Variants in UTRN observed in about 807,000 individuals in gnomAD.
The protein encoded by UTRN is utrophin.
UTRN carries 283 observed loss-of-function variants against 463.9 expected under a neutral mutation model. The ratio of observed to expected loss-of-function variants is 0.61; its 90% CI spans 0.55 to 0.67. The LOEUF is 0.67. UTRN is among the 30% of genes least tolerant of loss of function. The pLI is 0.00. For missense variants in UTRN, 3,922 were observed against 4,084.3 expected, an observed-to-expected ratio of 0.96 and a Z score of 1.08; for synonymous variants, 1,442 against 1,431.5, an observed-to-expected ratio of 1.01 and a Z score of -0.17.
chr6:144,688,516 T>G (rs1590054), intron 52 of UTRN, among the ~76,000 whole-genome samples: 55,534 of 152,042 alleles, frequency 0.37, 11,545 homozygotes, highest in East Asian at 0.88. Flanking sequence ...AATTATTTTT[T>G]AATTTATTTT....
chr6:144,570,099 T>C (rs575046317), intron 50 of UTRN, among the ~76,000 whole-genome samples: 1 of 152,244 alleles, frequency 6.6e-6, no homozygotes, highest in African/African-American at 2.4e-5. Context: ...ATAGCAGCAA[T>C]GAAACACCAA....
At chr6:144,564,149 G>C (rs1800181883) in intron 50 of UTRN, among the ~76,000 whole-genome samples, 1 of 152,130 alleles carries the variant, frequency 6.6e-6, no homozygotes, top group Non-Finnish European at 1.5e-5. Context: ...CATTGCATAG[G>C]GGGAGCCTGC....
chr6:144,488,589 T>A, intron 29 of UTRN, 84 bp from the exon 30 acceptor site: 1 of 1,347,244 alleles, frequency 7.4e-7, no homozygotes, highest in African/African-American at 1.5e-5. Flanking sequence ...GCTTTTATGG[T>A]CTTTTCTTAG....
intron 52 of UTRN, among the ~76,000 whole-genome samples, chr6:144,684,013 G>A (rs1039617582): frequency 2.0e-4 from 30 of 150,362 alleles, no homozygotes; most frequent in African/African-American, 6.4e-4. Context: ...TATAGGACAT[G>A]CTTCTACATT....
intron 50 of UTRN, among the ~76,000 whole-genome samples, chr6:144,566,207 T>C (rs1032097058): frequency 6.6e-6 from 1 of 152,154 alleles, no homozygotes; most frequent in Non-Finnish European, 1.5e-5. Context: ...AGCTTTATGA[T>C]CTATCGAGCA....
chr6:144,440,324 AAT>A, intron 12 of UTRN, 26 bp from the exon 13 acceptor site: 2 of 1,613,206 alleles, frequency 1.2e-6, no homozygotes, highest in Non-Finnish European at 1.7e-6. Context: ...AAGTAGAAAT[AAT>A]GGTTTATCTT....
chr6:144,624,164 A>T (rs1775711191), intron 51 of UTRN, among the ~76,000 whole-genome samples: 2 of 152,172 alleles, frequency 1.3e-5, no homozygotes, highest in Admixed American at 6.6e-5. Flanking sequence ...TGTCTGTTAA[A>T]AGGAGCATAT....
chr6:144,417,187 G>C (rs1048307917), intron 3 of UTRN, among the ~76,000 whole-genome samples: 3 of 151,962 alleles, frequency 2.0e-5, no homozygotes, highest in Non-Finnish European at 4.4e-5. Flanking sequence ...CTCTTTGGGG[G>C]GCCACTAAAT....
chr6:144,393,344 A>C (rs1305178469), intron 2 of UTRN, among the ~76,000 whole-genome samples: 1 of 152,224 alleles, frequency 6.6e-6, no homozygotes, highest in Non-Finnish European at 1.5e-5. Context: ...CTCAACTTTA[A>C]AATGTGCATG....
chr6:144,392,548 T>G (rs1287322067), intron 2 of UTRN, among the ~76,000 whole-genome samples: 1 of 152,266 alleles, frequency 6.6e-6, no homozygotes, highest in African/African-American at 2.4e-5. Context: ...TTTCTCATAT[T>G]CATTAATTAA....
At chr6:144,630,395 C>A (rs961546416) in intron 51 of UTRN, among the ~76,000 whole-genome samples, 3 of 152,180 alleles carry the variant, frequency 2.0e-5, no homozygotes, top group African/African-American at 7.2e-5. Context: ...AATTAACTCA[C>A]AGTTCCACAT....
At chr6:144,507,761 G>C (rs1201300536) in intron 34 of UTRN, among the ~76,000 whole-genome samples, 1 of 152,182 alleles carries the variant, frequency 6.6e-6, no homozygotes, top group Admixed American at 6.5e-5. Flanking sequence ...ACTTGAGGAG[G>C]CAATCTGTCC....
intron 58 of UTRN, among the ~76,000 whole-genome samples, chr6:144,763,274 TC>T (rs1057052059): frequency 6.6e-6 from 1 of 152,168 alleles, no homozygotes; most frequent in African/African-American, 2.4e-5. Flanking sequence ...TTGTTCTAAC[TC>T]CCCCTCTGAG....
chr6:144,318,011 C>A (rs1211899688), intron 2 of UTRN, among the ~76,000 whole-genome samples: 6 of 151,824 alleles, frequency 4.0e-5, no homozygotes, highest in Admixed American at 3.9e-4. Context: ...ATTTTTTGAC[C>A]TATTATCTCT....
Position 144,291,736 on chromosome 6 carries a change from G to C in UTRN, c.-92-1G>C, listed in dbSNP as rs988767189. On this transcript the variant is annotated splice_acceptor_variant, in intron 1 of 74. Transcript: ENST00000367545. LOFTEE classifies it low-confidence loss of function (5UTR_SPLICE). ...GTCAGTACTTTCCCTTTTCCTTTTA[G>C]GTATTGATGTCAAGCTGAACCATCG... 6 of 979,382 alleles carry C rather than the reference G, an allele frequency of 6.1e-6. 1 individual carries two copies. Among genetic ancestry groups the C allele is most frequent in the African/African-American group, 3.4e-5 (2 of 59,380 alleles). 60.7% of individuals were successfully genotyped at this position (979,382 alleles called of 1,614,324 possible).
chr6:144,700,337 A>G (rs901888167), intron 53 of UTRN, 94 bp downstream of exon 53: 2 of 1,349,852 alleles, frequency 1.5e-6, no homozygotes, highest in African/African-American at 1.7e-5. Context: ...AGTTGAACCA[A>G]TTATCACAGG....
Position 144,668,258 on chromosome 6 carries a change from T to G in UTRN, c.7480-10148T>G, listed in dbSNP as rs547697394. Among the ~76,000 whole-genome samples, 14 of 152,248 alleles carry G rather than the reference T, an allele frequency of 9.2e-5. No individual in the cohort carries two copies. The East Asian group carries it at 2.7e-3, about 29-fold the overall frequency. ...GTAGTGAGGTGCAAAAGGCCCTTCCTTGGGTGTTTCTGGTTAGTGGAGGTC... is the reference window on the plus strand; with the variant it reads ...GTAGTGAGGTGCAAAAGGCCCTTCCGTGGGTGTTTCTGGTTAGTGGAGGTC... On this transcript the variant is annotated intron_variant, in intron 51 of 74. Coordinates refer to ENST00000367545, the MANE Select transcript of UTRN (RefSeq NM_007124.3).
chr6:144,663,126 A>G (rs1254584932), intron 51 of UTRN, among the ~76,000 whole-genome samples: 1 of 152,148 alleles, frequency 6.6e-6, no homozygotes, highest in Non-Finnish European at 1.5e-5. Flanking sequence ...ACAAGATGAC[A>G]GCTCATTACA....
chr6:144,425,210 G>A (rs376360633), intron 6 of UTRN, among the ~76,000 whole-genome samples: 19 of 152,116 alleles, frequency 1.2e-4, no homozygotes, highest in African/African-American at 4.3e-4. Context: ...CTTGGGCTTG[G>A]CTGAGCTTTC....
Sources: gnomAD v4.1 joint callset for allele counts (sites outside exome capture counted in the v4.1 genomes callset) on GRCh38, gnomAD v4.1.1 for gene constraint, MANE v1.5 for transcripts, NCBI Gene and HGNC (gene_info 2026-07-23, HGNC 2026-07-21) for gene names.